ACSM3: variants seen among roughly 807,000 people sequenced by gnomAD.
The protein encoded by ACSM3 is acyl-coenzyme A synthetase ACSM3, mitochondrial.
A neutral mutation model predicts 74.1 loss-of-function variants in ACSM3; 61 were observed. That is an observed-to-expected ratio of 0.82 (90% CI 0.67 to 1.02). The LOEUF (loss-of-function observed/expected upper bound fraction) is 1.02. Ranked by LOEUF, ACSM3 falls within the 50% of genes least tolerant of loss-of-function variation. The pLI is 0.00. For missense variants in ACSM3, 660 were observed against 697.0 expected (o/e 0.95, Z 0.60); for synonymous variants, 213 against 241.5 (o/e 0.88, Z 1.09).
chr16:20,706,655 T>G (rs916143603), intron 1 of ACSM3, among the ~76,000 whole-genome samples: 7 of 152,156 alleles, frequency 4.6e-5, no homozygotes, highest in African/African-American at 9.7e-5. Flanking sequence ...CTCATGTTTG[T>G]TGAAAGCCCT....
chr16:20,740,478 C>T (rs562268029), intron 1 of ACSM3, among the ~76,000 whole-genome samples: 24 of 152,346 alleles, frequency 1.6e-4, no homozygotes, highest in African/African-American at 5.3e-4. Flanking sequence ...TAGTGCCCAA[C>T]GAAATTGCCA....
chr16:20,791,055 G>T (rs1174168490), intron 10 of ACSM3: 5 of 952,448 alleles, frequency 5.2e-6, no homozygotes, highest in Middle Eastern at 2.2e-4. Context: ...GACAGGGGAT[G>T]CGGGGGTGGT....
chr16:20,790,332 C>T lies in ACSM3; in HGVS notation c.1225-255C>T, dbSNP rs1307778511. On this transcript the variant is annotated intron_variant, in intron 9 of 13. Coordinates refer to ENST00000289416, the MANE Select transcript of ACSM3 (RefSeq NM_005622.4). The surrounding 1 kb of genome is among the most constrained non-coding windows in gnomAD (Gnocchi z 4.0). ...GAGCATAATGACATGTGCTTGTAGC[C>T]CCAGATACTTGGGAAGCTGAGGTGT... is the stretch of plus-strand genomic sequence containing the variant. 6.6e-6 allele frequency among the ~76,000 whole-genome samples: 1 copy of T among 152,004 alleles called. No homozygotes were observed. The highest frequency in any genetic ancestry group is 1.5e-5 in the Non-Finnish European group (1 of 68,012).
chr16:20,740,798 C>A (rs1271476342), intron 1 of ACSM3, among the ~76,000 whole-genome samples: 1 of 152,176 alleles, frequency 6.6e-6, no homozygotes. Flanking sequence ...AAAGTTTTTA[C>A]GTTCTAAAAT....
upstream of ACSM3, among the ~76,000 whole-genome samples, chr16:20,759,811 A>G (rs1276784694): frequency 6.6e-6 from 1 of 152,170 alleles, no homozygotes; most frequent in Non-Finnish European, 1.5e-5. Flanking sequence ...GAACTCAAGG[A>G]GAGGGGTTAG....
rs1165760180 is a variant in ACSM3 at position 20,741,526 on chromosome 16, T to C, written c.-189-8384T>C. 8 of 1,145,076 alleles carry C rather than the reference T, an allele frequency of 7.0e-6. No homozygotes were observed. Among genetic ancestry groups the C allele is most frequent in the East Asian group, 6.1e-5 (1 of 16,276 alleles). The allele number at this position is 1,145,076 out of a possible 1,614,324, so 70.9% of individuals were successfully genotyped here. A position where few individuals can be genotyped will look rare whatever the true frequency, so the allele number is the denominator to read the frequency against. On this transcript the variant is annotated intron_variant, in intron 1 of 3. Transcript: ENST00000561584. The stretch of plus-strand genomic sequence containing the variant: ...ACCGGTACCTTTTCTGGCCCATACA[T>C]GTCGTCGCCGTATTCGTTGAGGAGG...
intron 1 of ACSM3, among the ~76,000 whole-genome samples, chr16:20,767,516 CAAAAAAAAAA>C (rs772094919): frequency 2.2e-4 from 1 of 4,488 alleles, no homozygotes; most frequent in Non-Finnish European, 3.9e-4. Context: ...GACTCCGTCT[CAAAAAAAAAA>C]AAAAAAAAAA....
chr16:20,711,476 T>C lies in ACSM3; in HGVS notation c.-190+36654T>C, dbSNP rs375437400. The C allele has an allele frequency of 1.8e-4, 229 of 1,289,698 alleles. 1 individual carries two copies. The African/African-American group carries it at 2.9e-3, about 16-fold the overall frequency. 79.9% of individuals were successfully genotyped at this position (1,289,698 alleles called of 1,614,324 possible). A position where few individuals can be genotyped will look rare whatever the true frequency, so the allele number is the denominator to read the frequency against. On this transcript the variant is annotated intron_variant, in intron 1 of 3. Coordinates refer to the ACSM3 transcript ENST00000561584. ...TTCTGTTTAGTGTCCTTCCCAGGGA[T>C]TGTCTTCATGCCAGGAACAATCCAG...
At chr16:20,794,713 C>T (rs2152491276) in intron 12 of ACSM3, among the ~76,000 whole-genome samples, 1 of 152,248 alleles carries the variant, frequency 6.6e-6, no homozygotes, top group Middle Eastern at 3.4e-3. Context: ...ATGTGCCAGG[C>T]ATTATACATC....
chr16:20,723,260 C>A (rs1293586839), intron 1 of ACSM3, among the ~76,000 whole-genome samples: 2 of 151,998 alleles, frequency 1.3e-5, no homozygotes, highest in African/African-American at 4.8e-5. Context: ...ATATGTGCCA[C>A]ATTTTCTTAA....
rs2079542783 is a variant in ACSM3 at position 20,685,836 on chromosome 16, C to CAAAA, written c.-190+11021_-190+11024dup. Reference sequence around the variant, plus strand: ...CTCCGTCTCAAAAAAAAAAAACAAACAAAAAAAAAACAAAAAACTTATAGC... The same window carrying CAAAA: ...CTCCGTCTCAAAAAAAAAAAACAAACAAAAAAAAAAAAAACAAAAAACTTATAGC... On this transcript the variant is annotated intron_variant, in intron 1 of 3. Coordinates refer to the ACSM3 transcript ENST00000561584. Among the ~76,000 whole-genome samples, 2 of 108,528 alleles carry CAAAA rather than the reference C, an allele frequency of 1.8e-5. 1 individual carries two copies. The highest frequency in any genetic ancestry group is 6.8e-5 in the African/African-American group (2 of 29,356). The allele number at this position is 108,528 out of a possible 152,430, so 71.2% of individuals were successfully genotyped here. A position where few individuals can be genotyped will look rare whatever the true frequency, so the allele number is the denominator to read the frequency against.
Position 20,748,989 on chromosome 16 carries a change from T to G in ACSM3, c.-189-921T>G, listed in dbSNP as rs138328906. Among the ~76,000 whole-genome samples the G allele has an allele frequency of 5.3e-5, 8 of 152,050 alleles. No individual in the cohort carries two copies. In the East Asian group the frequency reaches 1.5e-3, roughly 29 times the overall value. ...ATCATTTGAACCCAGGAAATGGAGG[T>G]TCAATGAGCCATAATCGCACTCTAT... is the stretch of plus-strand genomic sequence containing the variant. On this transcript the variant is annotated intron_variant, in intron 1 of 3. Transcript: ENST00000561584.
intron 1 of ACSM3, among the ~76,000 whole-genome samples, chr16:20,676,772 G>A (rs190269912): frequency 2.0e-5 from 3 of 152,130 alleles, no homozygotes; most frequent in Non-Finnish European, 1.5e-5. Context: ...GCTAGAGAGA[G>A]ATTAATGTGC....
intron 1 of ACSM3, among the ~76,000 whole-genome samples, chr16:20,767,141 C>T (rs2080135266): frequency 6.6e-6 from 1 of 151,996 alleles, no homozygotes; most frequent in Admixed American, 6.6e-5. Context: ...GATTACTTAA[C>T]TTCTTTCAGT....
At chr16:20,778,841 C>G (rs1295576094) in intron 4 of ACSM3, among the ~76,000 whole-genome samples, 1 of 152,158 alleles carries the variant, frequency 6.6e-6, no homozygotes, top group Non-Finnish European at 1.5e-5. Context: ...ACCTCCACCT[C>G]CCGAGTTCAA....
intron 1 of ACSM3, among the ~76,000 whole-genome samples, chr16:20,699,087 C>T (rs11859792): frequency 3.3e-5 from 5 of 152,096 alleles, no homozygotes; most frequent in African/African-American, 1.2e-4. Context: ...TTGGGTGAAC[C>T]ATTTTCCTTT....
chr16:20,678,841 C>T (rs1172530250), intron 1 of ACSM3, among the ~76,000 whole-genome samples: 1 of 152,184 alleles, frequency 6.6e-6, no homozygotes, highest in African/African-American at 2.4e-5. Flanking sequence ...AGGTCTTGCC[C>T]ATGGTCCTCC....
In ACSM3 at chr16:20,752,304, A is replaced by G. The variant is rs183160341; in HGVS notation, c.-96+2301A>G. On this transcript the variant is annotated intron_variant, in intron 2 of 3. Coordinates refer to the ACSM3 transcript ENST00000561584. Reference sequence around the variant, plus strand: ...AGGATCACTTGAGCCCAGGGTTTTAAGACCAACCTGGGCAACATAGTGAGA... The same window carrying G: ...AGGATCACTTGAGCCCAGGGTTTTAGGACCAACCTGGGCAACATAGTGAGA... Among the ~76,000 whole-genome samples, 518 of 152,310 alleles carry G rather than the reference A, an allele frequency of 3.4e-3. 2 individuals carry two copies. Among genetic ancestry groups the G allele is most frequent in the African/African-American group, 0.012 (511 of 41,572 alleles).
intron 1 of ACSM3, among the ~76,000 whole-genome samples, chr16:20,716,314 TAA>T (rs2079761254): frequency 1.3e-5 from 2 of 152,048 alleles, no homozygotes; most frequent in South Asian, 2.1e-4. Context: ...TGTCATAAAA[TAA>T]AAGAGTCTTG....
Sources: gnomAD v4.1 joint callset for allele counts (sites outside exome capture counted in the v4.1 genomes callset) on GRCh38, gnomAD v4.1.1 for gene constraint, Gnocchi (gnomAD v3.1) non-coding constraint, MANE v1.5 for transcripts, NCBI Gene and HGNC (gene_info 2026-07-23, HGNC 2026-07-21) for gene names.